The following SGCZ variants were observed in gnomAD, a reference collection of about 807,000 sequenced individuals.
SGCZ encodes zeta-sarcoglycan.
SGCZ carries 40 observed loss-of-function variants against 41.3 expected under a neutral mutation model. The observed-to-expected ratio is 0.97, with a 90% CI of 0.75 to 1.26. The LOEUF (loss-of-function observed/expected upper bound fraction) is 1.26. Among genes scored for constraint, SGCZ ranks in the 50% most tolerant of loss-of-function variants. The probability of loss-of-function intolerance (pLI) is 0.00; values close to 1 mark genes in which losing one functional copy is unlikely to be tolerated. For synonymous variants in SGCZ, 206 were observed against 137.5 expected (o/e 1.50, Z -3.49); for missense variants, 552 against 369.8 (o/e 1.49, Z -4.04).
At chr8:14,250,908 T>G (rs1799259665) in intron 3 of SGCZ, among the ~76,000 whole-genome samples, 1 of 152,112 alleles carries the variant, frequency 6.6e-6, no homozygotes, top group African/African-American at 2.4e-5. Context: ...GCCAGATAAT[T>G]ATTAAGCTAG....
intron 1 of SGCZ, among the ~76,000 whole-genome samples, chr8:15,214,766 A>G (rs926827475): frequency 6.6e-6 from 1 of 152,174 alleles, no homozygotes; most frequent in African/African-American, 2.4e-5. Context: ...TCTTTCAAAA[A>G]TAATTGCCTA....
chr8:14,897,758 C>T (rs1805255677), intron 1 of SGCZ, among the ~76,000 whole-genome samples: 1 of 152,154 alleles, frequency 6.6e-6, no homozygotes. Context: ...CCAAAACATC[C>T]TAGCATGTGT....
intron 1 of SGCZ, among the ~76,000 whole-genome samples, chr8:14,658,353 C>T (rs1254130117): frequency 2.6e-5 from 4 of 152,172 alleles, no homozygotes; most frequent in Non-Finnish European, 5.9e-5. Flanking sequence ...TGCAATTGAA[C>T]TCATGCCCTT....
intron 1 of SGCZ, among the ~76,000 whole-genome samples, chr8:14,936,568 T>G (rs1365920621): frequency 6.6e-6 from 1 of 151,900 alleles, no homozygotes; most frequent in Non-Finnish European, 1.5e-5. Context: ...AAGTTGGACT[T>G]TTGTAAGTTT....
chr8:15,061,845 A>ACCAC (rs774542477), intron 1 of SGCZ, among the ~76,000 whole-genome samples: 26 of 152,220 alleles, frequency 1.7e-4, no homozygotes, highest in Non-Finnish European at 3.2e-4. Context: ...AGACTAAGAC[A>ACCAC]CCACCCTACA....
intron 4 of SGCZ, among the ~76,000 whole-genome samples, chr8:14,185,672 GTGTTT>G (rs745718166): frequency 2.6e-4 from 40 of 151,824 alleles, no homozygotes; most frequent in East Asian, 1.6e-3. Context: ...TTGTTTTGTT[GTGTTT>G]TGTTTTGTTT....
intron 2 of SGCZ, among the ~76,000 whole-genome samples, chr8:14,530,327 C>CT: frequency 6.6e-6 from 1 of 152,112 alleles, no homozygotes; most frequent in African/African-American, 2.4e-5. Flanking sequence ...ATGACTTTCT[C>CT]ACAGATCATA....
chr8:14,096,205 T>A (rs186441737), intron 7 of SGCZ, among the ~76,000 whole-genome samples: 1 of 152,096 alleles, frequency 6.6e-6, no homozygotes, highest in Non-Finnish European at 1.5e-5. Flanking sequence ...ATGCTTCCAG[T>A]TTTTGCCCAT....
chr8:14,715,018 A>G (rs554805978), intron 1 of SGCZ, among the ~76,000 whole-genome samples: 1 of 152,288 alleles, frequency 6.6e-6, no homozygotes, highest in Admixed American at 6.5e-5. Context: ...GTTTTGCCTA[A>G]GGATAGCAGT....
At chr8:15,103,600 A>T (rs1039186292) in intron 1 of SGCZ, among the ~76,000 whole-genome samples, 1 of 152,128 alleles carries the variant, frequency 6.6e-6, no homozygotes, top group African/African-American at 2.4e-5. Context: ...AAGCCAAGTC[A>T]AACTAGAGGA....
chr8:14,127,569 C>T (rs573889055), intron 5 of SGCZ, among the ~76,000 whole-genome samples: 2 of 152,102 alleles, frequency 1.3e-5, no homozygotes, highest in Non-Finnish European at 2.9e-5. Context: ...CATTAGCCTG[C>T]CTCAGCCTCC....
At chr8:14,445,047 C>T (rs1043791129) in intron 2 of SGCZ, among the ~76,000 whole-genome samples, 1 of 152,184 alleles carries the variant, frequency 6.6e-6, no homozygotes, top group Non-Finnish European at 1.5e-5. Flanking sequence ...ATCTCAGCAC[C>T]TAAGGCCAAT....
chr8:14,699,821 GACAT>G (rs1809078368), intron 1 of SGCZ, among the ~76,000 whole-genome samples: 2 of 151,864 alleles, frequency 1.3e-5, no homozygotes, highest in African/African-American at 4.8e-5. Context: ...CTTTAAAGAA[GACAT>G]ACATGCAGCC....
intron 1 of SGCZ, among the ~76,000 whole-genome samples, chr8:14,905,233 AT>A (rs1472223659): frequency 2.4e-4 from 37 of 152,226 alleles, no homozygotes; most frequent in Middle Eastern, 3.4e-3. Flanking sequence ...ATTTCAAAAA[AT>A]AATCTGGAAT....
At chr8:14,262,853 T>C (rs12541432) in intron 3 of SGCZ, among the ~76,000 whole-genome samples, 17,968 of 149,046 alleles carry the variant, frequency 0.12, 1,200 homozygotes, top group Middle Eastern at 0.17. Flanking sequence ...GCTTCTTGAA[T>C]TAGAAAAAGC....
chr8:15,226,003 G>T (rs537243300), intron 1 of SGCZ, among the ~76,000 whole-genome samples: 4 of 152,098 alleles, frequency 2.6e-5, no homozygotes, highest in Admixed American at 2.6e-4. Context: ...ACAGCTAAAC[G>T]CAGCTATGAT....
chr8:14,394,630 G>C (rs1046497398), intron 2 of SGCZ, among the ~76,000 whole-genome samples: 3 of 152,032 alleles, frequency 2.0e-5, no homozygotes, highest in African/African-American at 7.2e-5. Context: ...TGCTGATCCT[G>C]TCATAGACAG....
At chr8:15,127,163 G>C (rs1163646127) in intron 1 of SGCZ, among the ~76,000 whole-genome samples, 1 of 151,984 alleles carries the variant, frequency 6.6e-6, no homozygotes, top group Non-Finnish European at 1.5e-5. Context: ...GGTAGTCAAA[G>C]AGGTACAGGC....
chr8:14,393,380 C>T (rs1804853899), intron 2 of SGCZ, among the ~76,000 whole-genome samples: 1 of 152,042 alleles, frequency 6.6e-6, no homozygotes, highest in African/African-American at 2.4e-5. Flanking sequence ...TTCAAGATGG[C>T]GACTCCATCT....
Sources: gnomAD v4.1 joint callset for allele counts (sites outside exome capture counted in the v4.1 genomes callset) on GRCh38, gnomAD v4.1.1 for gene constraint, MANE v1.5 for transcripts, NCBI Gene and HGNC (gene_info 2026-07-23, HGNC 2026-07-21) for gene names.